Variants in ZNF644 observed in about 807,000 individuals in gnomAD.
ZNF644 encodes the protein zinc finger protein 644.
ZNF644 carries 20 observed loss-of-function variants against 108.0 expected under a neutral mutation model. The ratio of observed to expected loss-of-function variants is 0.19; its 90% CI spans 0.13 to 0.27. The LOEUF is 0.27. ZNF644 is among the 10% of genes least tolerant of loss of function. The pLI is 1.00. For missense variants in ZNF644, 1,338 were observed against 1,548.9 expected, an observed-to-expected ratio of 0.86 and a Z score of 2.29; for synonymous variants, 542 against 539.1, an observed-to-expected ratio of 1.01 and a Z score of -0.08.
intron 1 of ZNF644, among the ~76,000 whole-genome samples, chr1:91,020,035 A>C (rs1044137626): frequency 6.6e-6 from 1 of 152,192 alleles, no homozygotes; most frequent in African/African-American, 2.4e-5. Flanking sequence ...AGAGGCTGAA[A>C]GGCAATTTTC....
rs1250862409 is a variant in ZNF644, at chr1:90,937,498, C to G, written c.3675G>C (p.Leu1225Phe). 1 of 1,613,622 alleles carries G rather than the reference C, an allele frequency of 6.2e-7. No individual in the cohort carries two copies. Among genetic ancestry groups the G allele is most frequent in the East Asian group, 2.2e-5 (1 of 44,872 alleles). The change falls in exon 4 of 6, where the codon TTG (leucine) becomes TTC (phenylalanine). Residue 1225 changes from leucine (L) to phenylalanine (F), a missense_variant. This residue lies in a region of ZNF644 where 287 missense variants were observed against 310.9 expected (regional missense o/e 0.92). Coordinates refer to ENST00000337393, the MANE Select transcript of ZNF644 (RefSeq NM_201269.3). Reference protein sequence around the residue: ...PLMYQPQKMDLTMHSALDCKQ... With the variant: ...PLMYQPQKMDFTMHSALDCKQ... ...ACGTCCTCTTACCTGAGTGCATAGT[C>G]AAGTCCATTTTTTGTGGCTGATACA...
At chr1:90,980,582 CAT>C (rs1656446156) in intron 2 of ZNF644, among the ~76,000 whole-genome samples, 1 of 152,004 alleles carries the variant, frequency 6.6e-6, no homozygotes, top group African/African-American at 2.4e-5. Flanking sequence ...ACTGAGAAAA[CAT>C]AAATACTTTG....
intron 1 of ZNF644, among the ~76,000 whole-genome samples, chr1:91,016,960 G>A (rs976149992): frequency 6.6e-6 from 1 of 152,104 alleles, no homozygotes; most frequent in Non-Finnish European, 1.5e-5. Flanking sequence ...GGCCTCCCAA[G>A]TAGCTGGGAC....
At chr1:91,014,879 C>T (rs536898163) in intron 1 of ZNF644, among the ~76,000 whole-genome samples, 1 of 152,282 alleles carries the variant, frequency 6.6e-6, no homozygotes, top group African/African-American at 2.4e-5. Context: ...AAGGTCTCCT[C>T]TCTAGACCTT....
At chr1:90,974,574 C>A (rs558331280) in intron 2 of ZNF644, among the ~76,000 whole-genome samples, 12 of 152,196 alleles carry the variant, frequency 7.9e-5, no homozygotes, top group Non-Finnish European at 1.6e-4. Flanking sequence ...TAACTCCTTT[C>A]TTATTCTCCT....
chr1:90,940,035 C>T lies in ZNF644; in HGVS notation c.1319G>A (p.Arg440His), dbSNP rs202213602. 3.1e-6 allele frequency: 5 copies of T among 1,613,960 alleles called. No individual in the cohort carries two copies. The highest frequency in any genetic ancestry group is 2.2e-5 in the East Asian group (1 of 44,872). ...MYHLDGNSHF[R>H]HLNVPRPYAC... ...ATATGGCCTTGGGACATTAAGATGG[C>T]GAAAGTGACTATTCCCATCTAAATG... The change falls in exon 3 of 6, where the codon CGC becomes CAC. Residue 440 changes from arginine (R) to histidine (H), a missense_variant. Physicochemically the swap from Arg to His is conservative, Grantham distance 29. This residue lies in a region of ZNF644 where 80 missense variants were observed against 183.0 expected (regional missense o/e 0.44). Coordinates refer to ENST00000337393, the MANE Select transcript of ZNF644 (RefSeq NM_201269.3).
intron 4 of ZNF644, among the ~76,000 whole-genome samples, chr1:90,935,173 C>T (rs1207513999): frequency 6.6e-6 from 1 of 152,148 alleles, no homozygotes; most frequent in Non-Finnish European, 1.5e-5. Flanking sequence ...TTCCACACCT[C>T]TTGGGTTAAT....
intron 1 of ZNF644, among the ~76,000 whole-genome samples, chr1:91,008,591 A>G (rs566175164): frequency 1.3e-5 from 2 of 152,296 alleles, no homozygotes; most frequent in South Asian, 4.1e-4. Flanking sequence ...TTCTGCTGTC[A>G]TTCCTTCTCA....
At chr1:90,963,384 T>A (rs1654523832) in intron 2 of ZNF644, among the ~76,000 whole-genome samples, 1 of 152,130 alleles carries the variant, frequency 6.6e-6, no homozygotes, top group African/African-American at 2.4e-5. Flanking sequence ...ATATACTTGA[T>A]GTGATTGATA....
rs145230702 is a variant in ZNF644, at chr1:90,940,476, C to T, written c.878G>A (p.Arg293Gln). Reference protein sequence around the residue: ...SKIGLEKKRKRKMDVSKITRY... With the variant: ...SKIGLEKKRKQKMDVSKITRY... ...AGTTATCTTGCTTACATCCATTTTT[C>T]GCTTTCTTTTTTTTTCTAGACCTAT... The change falls in exon 3 of 6, where the codon CGA becomes CAA. Residue 293 changes from arginine to glutamine, a missense_variant. By Grantham distance (43) the Arg-to-Gln change is conservative (BLOSUM62 1). This residue lies in a region of ZNF644 where 464 missense variants were observed against 457.9 expected (regional missense o/e 1.01). Transcript: ENST00000337393. 8.1e-6 allele frequency: 13 copies of T among 1,613,450 alleles called. No individual in the cohort carries two copies. The highest frequency in any genetic ancestry group is 1.6e-4 in the Middle Eastern group (1 of 6,084).
chr1:90,931,818 T>TA (rs541538277), intron 4 of ZNF644, among the ~76,000 whole-genome samples: 28 of 148,752 alleles, frequency 1.9e-4, no homozygotes, highest in South Asian at 6.4e-4. Context: ...CTTCTGCTCT[T>TA]AAAAAAAAAA....
At chr1:90,918,347 C>T (rs1207488583) in intron 4 of ZNF644, 193 bp from the exon 5 acceptor site, 7 of 601,872 alleles carry the variant, frequency 1.2e-5, no homozygotes, top group African/African-American at 7.4e-5. Context: ...TACTGTACAG[C>T]GGTATTATCT....
intron 2 of ZNF644, among the ~76,000 whole-genome samples, chr1:90,961,736 C>T (rs1446891233): frequency 6.6e-6 from 1 of 152,060 alleles, no homozygotes; most frequent in African/African-American, 2.4e-5. Flanking sequence ...TTAAAATAAA[C>T]TTATAAACAT....
chr1:90,966,115 T>C (rs2101191124), intron 2 of ZNF644, among the ~76,000 whole-genome samples: 1 of 152,286 alleles, frequency 6.6e-6, no homozygotes, highest in South Asian at 2.1e-4. Flanking sequence ...CTGGTTATTT[T>C]GCACTTAATA....
At chr1:90,980,191 C>T (rs949133027) in intron 2 of ZNF644, among the ~76,000 whole-genome samples, 2 of 152,166 alleles carry the variant, frequency 1.3e-5, no homozygotes, top group African/African-American at 4.8e-5. Context: ...CCTTCAAACT[C>T]ATACTCTAAT....
In ZNF644 at chr1:91,018,475, G is replaced by A. The variant is rs532550983; in HGVS notation, c.-18+3515C>T. Among the ~76,000 whole-genome samples the A allele has an allele frequency of 2.0e-5, 3 of 152,288 alleles. No individual in the cohort carries two copies. In the South Asian group the frequency reaches 6.2e-4, roughly 32 times the overall value. Reference sequence around the variant, plus strand: ...TTGAATATGTATCCATAGTATTACAGTATCCACTCTTCATTCTCGTTTTAT... The same window carrying A: ...TTGAATATGTATCCATAGTATTACAATATCCACTCTTCATTCTCGTTTTAT... On this transcript the variant is annotated intron_variant, in intron 1 of 5. Transcript: ENST00000337393.
chr1:90,917,150 C>T (rs1648864874), intron 5 of ZNF644, among the ~76,000 whole-genome samples, 160 bp from the exon 6 acceptor site: 1 of 152,066 alleles, frequency 6.6e-6, no homozygotes, highest in Admixed American at 6.5e-5. Context: ...ATCAAAACTC[C>T]CAATTCATAT....
Position 90,952,693 on chromosome 1 carries a change from GA to G in ZNF644, c.45-11385del, listed in dbSNP as rs1446942620. On this transcript the variant is annotated intron_variant, in intron 2 of 5. Coordinates refer to ENST00000337393, the MANE Select transcript of ZNF644 (RefSeq NM_201269.3). Reference sequence around the variant, plus strand: ...GGGAGACAAAAGGATGGAAAACAGAGAAAAGAGTAAGAGCTGAAACTGATAT... The same window carrying G: ...GGGAGACAAAAGGATGGAAAACAGAGAAAGAGTAAGAGCTGAAACTGATAT... 2.6e-5 allele frequency among the ~76,000 whole-genome samples: 4 copies of G among 152,042 alleles called. No homozygotes were observed. In the East Asian group the frequency reaches 7.7e-4, roughly 29 times the overall value.
At chr1:91,012,841 TA>T (rs76724585) in intron 1 of ZNF644, among the ~76,000 whole-genome samples, 1 of 151,556 alleles carries the variant, frequency 6.6e-6, no homozygotes, top group African/African-American at 2.4e-5. Context: ...ATGTTATACC[TA>T]AAAAAAATAC....
Sources: allele counts gnomAD v4.1 joint callset (sites outside exome capture counted in the v4.1 genomes callset), GRCh38; gene constraint gnomAD v4.1.1; regional missense constraint gnomAD v4.1.1; transcripts MANE v1.5; gene names NCBI Gene and HGNC (gene_info 2026-07-23, HGNC 2026-07-21).